BLZF1: variants seen among roughly 807,000 people sequenced by gnomAD.
BLZF1 encodes the protein golgin-45.
BLZF1 carries 39 observed loss-of-function variants against 43.8 expected under a neutral mutation model. The observed-to-expected ratio is 0.89, with a 90% CI of 0.69 to 1.16. The LOEUF (loss-of-function observed/expected upper bound fraction) is 1.16, where lower values mean the gene tolerates loss of function less well. Among genes scored for constraint, BLZF1 ranks in the 50% most tolerant of loss-of-function variants. The probability of loss-of-function intolerance (pLI) is 0.00; values close to 1 mark genes in which losing one functional copy is unlikely to be tolerated. For missense variants in BLZF1, 449 were observed against 469.8 expected (o/e 0.96, Z 0.41); for synonymous variants, 136 against 159.4 (o/e 0.85, Z 1.11).
chr1:169,381,935 TGA>T, intron 5 of BLZF1, 125 bp from the exon 6 acceptor site: 2 of 745,302 alleles, frequency 2.7e-6, no homozygotes, highest in Non-Finnish European at 4.3e-6. Context: ...TATGGAACTC[TGA>T]GAGAGAAAGG....
At chr1:169,370,742 T>C (rs994506542) in intron 2 of BLZF1, among the ~76,000 whole-genome samples, 1 of 152,286 alleles carries the variant, frequency 6.6e-6, no homozygotes, top group Admixed American at 6.5e-5. Context: ...CTTTTAAATA[T>C]CAACACTTTC....
At chr1:169,380,295 C>T (rs1352644216) in intron 4 of BLZF1, among the ~76,000 whole-genome samples, 186 bp from the exon 5 acceptor site, 3 of 151,802 alleles carry the variant, frequency 2.0e-5, no homozygotes, top group African/African-American at 7.3e-5. Flanking sequence ...TAACTGAATC[C>T]CTTTAATGAA....
intron 6 of BLZF1, among the ~76,000 whole-genome samples, chr1:169,382,694 G>C (rs755045697): frequency 6.6e-6 from 1 of 152,152 alleles, no homozygotes; most frequent in Non-Finnish European, 1.5e-5. Flanking sequence ...AGTACAGATA[G>C]TATAGTCCTG....
At chr1:169,393,627 G>A (rs1420051970) in intron 7 of BLZF1, among the ~76,000 whole-genome samples, 1 of 149,206 alleles carries the variant, frequency 6.7e-6, no homozygotes, top group Non-Finnish European at 1.5e-5. Flanking sequence ...TTTGAGATAC[G>A]GTCTCACTCT....
downstream of BLZF1, among the ~76,000 whole-genome samples, chr1:169,393,203 C>G (rs759305839): frequency 6.6e-6 from 1 of 152,072 alleles, no homozygotes; most frequent in Non-Finnish European, 1.5e-5. Context: ...CATCTGGTGT[C>G]AGAAGTGATG....
At chr1:169,381,944 A>G (rs1654538906) in intron 5 of BLZF1, 118 bp from the exon 6 acceptor site, 9 of 785,664 alleles carry the variant, frequency 1.1e-5, no homozygotes, top group Non-Finnish European at 1.6e-5. Context: ...CTGAGAGAGA[A>G]AGGGATCAGA....
chr1:169,368,671 C>T (rs1653991251), intron 1 of BLZF1, among the ~76,000 whole-genome samples: 1 of 152,160 alleles, frequency 6.6e-6, no homozygotes, highest in South Asian at 2.1e-4. Context: ...GTTACTCTTA[C>T]GAAGGGTTTT....
At chr1:169,374,289 A>G (rs148051311) in intron 2 of BLZF1, among the ~76,000 whole-genome samples, 3,373 of 152,098 alleles carry the variant, frequency 0.022, 139 homozygotes, top group African/African-American at 0.078. Context: ...TGGGAGGCTG[A>G]GGTGGGAGGA....
intron 3 of BLZF1, chr1:169,377,212 CAAG>C: frequency 2.1e-6 from 1 of 486,990 alleles, no homozygotes; most frequent in Non-Finnish European, 3.6e-6. Context: ...GTGCTTTGGA[CAAG>C]ACCACCAATA....
In BLZF1 at chr1:169,387,428, T is replaced by C. The variant is rs1654708841; in HGVS notation, c.*246T>C. ...AGAATACTTTCCAAGCAATACATGA[T>C]ACTTTTCCTAAAAGACTCTAAAAGA... is the stretch of plus-strand genomic sequence containing the variant. On this transcript the variant is annotated 3_prime_UTR_variant, in exon 7 of 7. Transcript: ENST00000367808. The C allele has an allele frequency of 3.2e-6, 1 of 310,678 alleles. No individual in the cohort carries two copies. The allele number at this position is 310,678 out of a possible 1,614,324, so 19.2% of individuals were successfully genotyped here.
At chr1:169,392,144 CTG>C (rs1435437738), downstream of BLZF1, among the ~76,000 whole-genome samples, 2 of 152,214 alleles carry the variant, frequency 1.3e-5, no homozygotes, top group East Asian at 1.9e-4. Flanking sequence ...TATTGAAAGA[CTG>C]TATTATTAAG....
chr1:169,372,237 A>G (rs1205630901), intron 2 of BLZF1, among the ~76,000 whole-genome samples: 2 of 152,170 alleles, frequency 1.3e-5, no homozygotes, highest in Non-Finnish European at 2.9e-5. Flanking sequence ...TAAAATTACC[A>G]CATGACAATC....
downstream of BLZF1, among the ~76,000 whole-genome samples, chr1:169,391,553 G>A (rs1654814767): frequency 1.3e-5 from 2 of 152,168 alleles, no homozygotes; most frequent in African/African-American, 4.8e-5. Flanking sequence ...GGGAGGAAGG[G>A]AGTTTTCATT....
intron 6 of BLZF1, among the ~76,000 whole-genome samples, chr1:169,385,694 C>G (rs1049615892): frequency 6.6e-6 from 1 of 151,974 alleles, no homozygotes; most frequent in Non-Finnish European, 1.5e-5. Context: ...ATCTCAAAAA[C>G]TAAATTGAAA....
intron 2 of BLZF1, among the ~76,000 whole-genome samples, chr1:169,372,090 T>C (rs2102005781): frequency 6.6e-6 from 1 of 152,314 alleles, no homozygotes; most frequent in Admixed American, 6.5e-5. Context: ...GAGCCTGTGG[T>C]AAGAAGAATG....
At chr1:169,384,748 A>G (rs910974550) in intron 6 of BLZF1, among the ~76,000 whole-genome samples, 1 of 152,122 alleles carries the variant, frequency 6.6e-6, no homozygotes, top group Non-Finnish European at 1.5e-5. Context: ...CTTGCTGGCA[A>G]TCTGAAGTGT....
intron 1 of BLZF1, 89 bp from the exon 2 acceptor site, chr1:169,369,384 G>A (rs1317969962): frequency 1.3e-5 from 8 of 622,164 alleles, no homozygotes; most frequent in African/African-American, 3.8e-5. Context: ...AAATACAGAA[G>A]CAATTAAAAT....
intron 2 of BLZF1, among the ~76,000 whole-genome samples, chr1:169,372,168 T>C (rs892920505): frequency 2.6e-5 from 4 of 152,148 alleles, no homozygotes; most frequent in South Asian, 2.1e-4. Flanking sequence ...ATTTTACTAA[T>C]TTAATAATAA....
rs900280942 is a variant in BLZF1 at position 169,380,595 on chromosome 1, G to A, written c.783G>A (p.Met261Ile). The A allele has an allele frequency of 2.5e-6, 4 of 1,612,656 alleles. No homozygotes were observed. The highest frequency in any genetic ancestry group is 2.5e-6 in the Non-Finnish European group (3 of 1,178,948). ...AACGGGAACAGTTTCGTCAAGAAAT[G>A]ATAGCTACCCAGAAGTATGGCACTT... ...LSEREQFRQE[M>I]IATQKLLEEL... Residue 261 changes from methionine to isoleucine, a missense_variant, in exon 5 of 7, where the codon ATG becomes ATA. Transcript: ENST00000367808.
Sources: allele counts gnomAD v4.1 joint callset (sites outside exome capture counted in the v4.1 genomes callset), GRCh38; gene constraint gnomAD v4.1.1; transcripts MANE v1.5; gene names NCBI Gene and HGNC (gene_info 2026-07-23, HGNC 2026-07-21).